Variants in MYH11 observed in about 807,000 individuals in gnomAD.
MYH11 encodes myosin heavy chain 11.
Under a neutral mutation model 246.6 loss-of-function variants are expected in MYH11, and 80 were observed. That is an observed-to-expected ratio of 0.32 (90% CI 0.27 to 0.39). MYH11 has a LOEUF of 0.39. Ranked by LOEUF, MYH11 falls within the 10% of genes least tolerant of loss-of-function variation. The pLI is 1.00. For missense variants in MYH11, 2,158 were observed against 2,546.8 expected (o/e 0.85, Z 3.29); for synonymous variants, 1,071 against 1,015.5 (o/e 1.05, Z -1.04).
chr16:15,734,845 G>A (rs2041068189), intron 26 of MYH11, among the ~76,000 whole-genome samples: 1 of 152,128 alleles, frequency 6.6e-6, no homozygotes, highest in Admixed American at 6.6e-5. Flanking sequence ...GAAGCCAAAA[G>A]ATTGTACATC....
chr16:15,792,067 T>G (rs1047553903), intron 4 of MYH11: 2 of 152,198 alleles, frequency 1.3e-5, no homozygotes, highest in African/African-American at 4.8e-5. Flanking sequence ...TTATTATTAC[T>G]TTTGTTTTTT....
intron 25 of MYH11, 35 bp from the exon 26 acceptor site, chr16:15,735,613 G>C: frequency 6.2e-7 from 1 of 1,611,508 alleles, no homozygotes; most frequent in Non-Finnish European, 8.5e-7. Flanking sequence ...TGAACCCCCA[G>C]GTCCCTTGGT....
At chr16:15,714,674 G>A (rs980715096) in intron 40 of MYH11, 15 of 604,150 alleles carry the variant, frequency 2.5e-5, no homozygotes, top group Non-Finnish European at 3.5e-5. Flanking sequence ...GATGGGAGAC[G>A]GTCGATCGTT....
Position 15,759,821 on chromosome 16 carries a change from G to A in MYH11, c.1249-93C>T, listed in dbSNP as rs558059939. 8 of 1,502,768 alleles carry A rather than the reference G, an allele frequency of 5.3e-6. No homozygotes were observed. In the South Asian group the frequency reaches 8.4e-5, roughly 16 times the overall value. 93.1% of individuals were successfully genotyped at this position (1,502,768 alleles called of 1,614,324 possible). ...TGGTGAAGATTTTTATTCTTGGCCG[G>A]GTGCAGTGACTCACACTGTAATCCC... On this transcript the variant is annotated intron_variant, in intron 11 of 40. Transcript: ENST00000300036.
rs1555569336 is a variant in MYH11 at position 15,788,077 on chromosome 16, C to CTTTTTTTTTTTTTTTTTTTTTTTTTT, written c.531-1346_531-1345insAAAAAAAAAAAAAAAAAAAAAAAAAA. Among the ~76,000 whole-genome samples, 137 of 55,326 alleles carry CTTTTTTTTTTTTTTTTTTTTTTTTTT rather than the reference C, an allele frequency of 2.5e-3. 26 individuals are homozygous for CTTTTTTTTTTTTTTTTTTTTTTTTTT. Among genetic ancestry groups the CTTTTTTTTTTTTTTTTTTTTTTTTTT allele is most frequent in the Non-Finnish European group, 3.7e-3 (102 of 27,338 alleles). The allele number at this position is 55,326 out of a possible 152,430, so 36.3% of individuals were successfully genotyped here. On this transcript the variant is annotated intron_variant, in intron 4 of 40. Transcript: ENST00000300036. ...GTCCTCCTGGAATATGAAGGTAGAT[C>CTTTTTTTTTTTTTTTTTTTTTTTTTT]TTTTTTTTTTTTTTTTTTACCAAGA...
intron 28 of MYH11, chr16:15,726,346 T>C (rs1052272052): frequency 1.1e-5 from 2 of 174,088 alleles, no homozygotes; most frequent in African/African-American, 4.8e-5. Flanking sequence ...ACTTATCAAA[T>C]TGGAAAAGGA....
chr16:15,828,820 G>A (rs1250718963), intron 2 of MYH11, among the ~76,000 whole-genome samples: 1 of 136,096 alleles, frequency 7.3e-6, no homozygotes, highest in Non-Finnish European at 1.5e-5. Flanking sequence ...AGGAAGGAAG[G>A]AAAGTAAGAA....
intron 5 of MYH11, chr16:15,783,156 G>A (rs1046851643): frequency 2.2e-4 from 33 of 152,564 alleles, no homozygotes; most frequent in African/African-American, 7.2e-4. Flanking sequence ...GCACAAACGC[G>A]GTCACGTGAT....
intron 2 of MYH11, among the ~76,000 whole-genome samples, chr16:15,837,127 C>G (rs886997408): frequency 6.6e-6 from 1 of 152,176 alleles, no homozygotes; most frequent in Admixed American, 6.5e-5. Flanking sequence ...TGCAAGTCTA[C>G]CTAAAATAGT....
At chr16:15,833,774 A>G (rs1272343342) in intron 2 of MYH11, among the ~76,000 whole-genome samples, 1 of 152,118 alleles carries the variant, frequency 6.6e-6, no homozygotes, top group African/African-American at 2.4e-5. Flanking sequence ...GTATCACCTC[A>G]CTACCCGCCT....
rs779896373 is a variant in MYH11 at position 15,829,679 on chromosome 16, G to A, written c.346-6268C>T. Reference sequence around the variant, plus strand: ...CCAGCAAGTCCCAGCTGCAGGCCCAGGATTTCCCTCTTGTGACCGTATTAG... The same window carrying A: ...CCAGCAAGTCCCAGCTGCAGGCCCAAGATTTCCCTCTTGTGACCGTATTAG... On this transcript the variant is annotated intron_variant, in intron 2 of 40. Transcript: ENST00000300036. Among the ~76,000 whole-genome samples the A allele has an allele frequency of 1.7e-3, 252 of 152,294 alleles. 1 individual carries two copies. Among genetic ancestry groups the A allele is most frequent in the South Asian group, 6.2e-4 (3 of 4,830 alleles).
chr16:15,835,828 A>G (rs997528724), intron 2 of MYH11, among the ~76,000 whole-genome samples: 1 of 148,028 alleles, frequency 6.8e-6, no homozygotes, highest in African/African-American at 2.5e-5. Flanking sequence ...ATCATAGCTC[A>G]CTGCAGCCTT....
intron 16 of MYH11, 184 bp downstream of exon 16, chr16:15,749,954 A>G (rs930890831): frequency 2.4e-5 from 17 of 709,168 alleles, no homozygotes; most frequent in Non-Finnish European, 3.5e-5. Context: ...AAGTCTCTGG[A>G]TGCATCCTCC....
At chr16:15,751,037 G>A (rs933560991) in intron 15 of MYH11, among the ~76,000 whole-genome samples, 3 of 151,942 alleles carry the variant, frequency 2.0e-5, no homozygotes, top group Non-Finnish European at 2.9e-5. Context: ...AGGTATCCAC[G>A]GAAGAAATAT....
In MYH11 at chr16:15,717,197, A is replaced by G; in HGVS notation, c.5447T>C (p.Ile1816Thr). ...GAVKSKFKST[I>T]AALEAKIAQL... The stretch of plus-strand genomic sequence containing the variant: ...TGCAATCTTGGCCTCCAGCGCCGCG[A>G]TGGTGGACTTGAACTTGGACTTGAC... The change falls in exon 38 of 41, where the codon ATC becomes ACC. Residue 1816 changes from isoleucine (I) to threonine (T), a missense_variant. Ile to Thr is a moderately conservative substitution (Grantham distance 89). This residue lies in a region of MYH11 where 1,013 missense variants were observed against 993.5 expected (regional missense o/e 1.02). Coordinates refer to ENST00000300036, the MANE Select transcript of MYH11 (RefSeq NM_002474.3). The G allele has an allele frequency of 1.2e-6, 2 of 1,614,126 alleles. No individual in the cohort carries two copies. The highest frequency in any genetic ancestry group is 2.7e-5 in the African/African-American group (2 of 75,022).
At chr16:15,716,832 G>C (rs1485307201) in intron 38 of MYH11, among the ~76,000 whole-genome samples, 3 of 152,180 alleles carry the variant, frequency 2.0e-5, no homozygotes, top group African/African-American at 4.8e-5. Flanking sequence ...TTTTTGATCT[G>C]TCAGCATGCT....
Position 15,732,558 on chromosome 16 carries a change from CA to C in MYH11, c.3651+5del, listed in dbSNP as rs201404398. 3,201 of 1,614,244 alleles carry C rather than the reference CA, an allele frequency of 2.0e-3. 56 individuals are homozygous for C. In the African/African-American group the frequency reaches 0.038, roughly 19 times the overall value. ...ATCACCAAAAAGCATCACCAAAAAGCATTACCCTCTTGAACTGCTCAAGCTG... is the reference window on the plus strand; with the variant it reads ...ATCACCAAAAAGCATCACCAAAAAGCTTACCCTCTTGAACTGCTCAAGCTG... On this transcript the variant is annotated splice_donor_5th_base_variant and intron_variant, in intron 27 of 40. Coordinates refer to ENST00000300036, the MANE Select transcript of MYH11 (RefSeq NM_002474.3).
intron 40 of MYH11, among the ~76,000 whole-genome samples, chr16:15,707,415 T>A (rs1244790204): frequency 1.3e-5 from 2 of 152,172 alleles, no homozygotes; most frequent in Non-Finnish European, 2.9e-5. Flanking sequence ...TTGCAAGGAC[T>A]CAGTTTCCCA....
At chr16:15,836,588 C>T (rs11863571) in intron 2 of MYH11, among the ~76,000 whole-genome samples, 99 of 151,682 alleles carry the variant, frequency 6.5e-4, no homozygotes, top group African/African-American at 2.2e-3. Context: ...TTAGTAGAGA[C>T]GGGGTTTTAC....
Sources: gnomAD v4.1 joint callset for allele counts (sites outside exome capture counted in the v4.1 genomes callset) on GRCh38, gnomAD v4.1.1 for gene constraint, gnomAD v4.1.1 regional missense constraint, MANE v1.5 for transcripts, NCBI Gene and HGNC (gene_info 2026-07-23, HGNC 2026-07-21) for gene names.